Variants in BCHE observed in about 807,000 individuals in gnomAD.
BCHE encodes butyrylcholinesterase, also known as cholinesterase.
Under a neutral mutation model 51.3 loss-of-function variants are expected in BCHE, and 48 were observed. That is an observed-to-expected ratio of 0.94 (90% CI 0.74 to 1.19). BCHE has a LOEUF of 1.19. Ranked by LOEUF, BCHE falls within the 50% of genes most tolerant of loss-of-function variation. The pLI is 0.00. For synonymous variants in BCHE, 251 were observed against 238.0 expected, an observed-to-expected ratio of 1.05 and a Z score of -0.50; for missense variants, 847 against 708.2, an observed-to-expected ratio of 1.20 and a Z score of -2.23.
At chr3:165,773,622 TTTA>T (rs1712344924) in intron 3 of BCHE, 116 bp from the exon 4 acceptor site, 2 of 780,772 alleles carry the variant, frequency 2.6e-6, no homozygotes, top group South Asian at 2.1e-5. Flanking sequence ...CATTATTTTC[TTTA>T]TTTATTCTTT....
chr3:165,778,601 T>C, intron 3 of BCHE: 1 of 421,908 alleles, frequency 2.4e-6, no homozygotes, highest in South Asian at 1.6e-5. Flanking sequence ...TCAGTGCAGG[T>C]ATCTTCTCTT....
chr3:165,798,908 A>T (rs1713531692), intron 2 of BCHE, among the ~76,000 whole-genome samples: 1 of 152,140 alleles, frequency 6.6e-6, no homozygotes, highest in East Asian at 1.9e-4. Context: ...AAAAAACTAG[A>T]GTATATAGTT....
At chr3:165,805,919 T>C (rs931517427) in intron 2 of BCHE, among the ~76,000 whole-genome samples, 4 of 152,142 alleles carry the variant, frequency 2.6e-5, no homozygotes, top group African/African-American at 9.7e-5. Context: ...AGCTCATAGA[T>C]AATATTCTCT....
At position 165,831,020 on chromosome 3, in the gene BCHE, A is replaced by G. The variant is rs758046853; in HGVS notation, c.14T>C (p.Val5Ala). 13 of 1,612,150 alleles carry G rather than the reference A, an allele frequency of 8.1e-6. No homozygotes were observed. The highest frequency in any genetic ancestry group is 1.1e-5 in the South Asian group (1 of 91,036). ...GAGAAATCTGATGCATATGATTGTGACTTTGCTATGCATATTGATTTCTGA... is the reference window on the plus strand; with the variant it reads ...GAGAAATCTGATGCATATGATTGTGGCTTTGCTATGCATATTGATTTCTGA... Reference protein sequence around the residue: MHSKVTIICIRFLFW... With the variant: MHSKATIICIRFLFW... Residue 5 changes from valine (V) to alanine (A), a missense_variant, in exon 2 of 4, where the codon GTC (valine) becomes GCC (alanine). Val to Ala is a moderately conservative substitution (Grantham distance 64). Coordinates refer to ENST00000264381, the MANE Select transcript of BCHE (RefSeq NM_000055.4).
chr3:165,834,368 C>T (rs965143404), intron 1 of BCHE, among the ~76,000 whole-genome samples: 5 of 151,830 alleles, frequency 3.3e-5, no homozygotes, highest in Non-Finnish European at 7.4e-5. Context: ...TAATTGGTAA[C>T]AATCAAAGCA....
chr3:165,815,924 T>G (rs1714297468), intron 2 of BCHE, among the ~76,000 whole-genome samples: 2 of 152,050 alleles, frequency 1.3e-5, no homozygotes, highest in African/African-American at 4.8e-5. Context: ...TTTCTTGTCA[T>G]GCAATTAGAC....
chr3:165,834,199 A>G (rs1715102262), intron 1 of BCHE, among the ~76,000 whole-genome samples: 1 of 95,790 alleles, frequency 1.0e-5, no homozygotes, highest in African/African-American at 3.3e-5. Flanking sequence ...AATGGTTGTA[A>G]TATCTTCCCA....
chr3:165,830,809 C>T lies in BCHE; in HGVS notation c.225G>A (p.Gln75=). The T allele has an allele frequency of 1.9e-6, 3 of 1,613,864 alleles. No homozygotes were observed. Among genetic ancestry groups the T allele is most frequent in the Non-Finnish European group, 2.5e-6 (3 of 1,179,886 alleles). ...PLGRLRFKKP[Q]SLTKWSDIWN... Reference sequence around the variant, plus strand: ...AAATATCAGACCACTTGGTCAGAGACTGTGGCTTTTTGAATCGAAGTCTAC... The same window carrying T: ...AAATATCAGACCACTTGGTCAGAGATTGTGGCTTTTTGAATCGAAGTCTAC... The change falls in exon 2 of 4, where the codon CAG becomes CAA. Residue 75 remains glutamine, a synonymous_variant. Coordinates refer to ENST00000264381, the MANE Select transcript of BCHE (RefSeq NM_000055.4).
chr3:165,783,303 A>C, intron 3 of BCHE, among the ~76,000 whole-genome samples: 1 of 152,138 alleles, frequency 6.6e-6, no homozygotes, highest in East Asian at 1.9e-4. Flanking sequence ...ACTAGTATAA[A>C]CTTAGGCTAG....
intron 2 of BCHE, among the ~76,000 whole-genome samples, chr3:165,797,752 T>A (rs961037126): frequency 2.6e-5 from 4 of 152,146 alleles, no homozygotes; most frequent in Non-Finnish European, 5.9e-5. Context: ...ATAAAATTGA[T>A]GGCAGCAAGC....
At chr3:165,800,884 T>C (rs1713611354) in intron 2 of BCHE, among the ~76,000 whole-genome samples, 1 of 152,146 alleles carries the variant, frequency 6.6e-6, no homozygotes, top group Admixed American at 6.5e-5. Context: ...AGATTAATAA[T>C]AAATAAATTG....
chr3:165,814,203 T>G (rs1714213772), intron 2 of BCHE, among the ~76,000 whole-genome samples: 1 of 150,854 alleles, frequency 6.6e-6, no homozygotes, highest in Non-Finnish European at 1.5e-5. Context: ...TAGTTTAAGG[T>G]TTTACAAATA....
intron 2 of BCHE, among the ~76,000 whole-genome samples, chr3:165,795,579 C>T (rs1273883633): frequency 6.6e-6 from 1 of 152,140 alleles, no homozygotes; most frequent in African/African-American, 2.4e-5. Flanking sequence ...CATCTCCAGA[C>T]ATTTCTATTG....
rs555866446 is a variant in BCHE at position 165,785,454 on chromosome 3, T to C, written c.1684+691A>G. ...ACACATGTTTGATCACTCAAGTGGA[T>C]TGAAATATTTTCTTAATAATGAATA... On this transcript the variant is annotated intron_variant, in intron 3 of 3. Transcript: ENST00000264381. 7.9e-5 allele frequency among the ~76,000 whole-genome samples: 12 copies of C among 151,998 alleles called. No individual in the cohort carries two copies. The East Asian group carries it at 2.3e-3, about 29-fold the overall frequency.
Position 165,830,684 on chromosome 3 carries a change from C to T in BCHE, c.350G>A (p.Ser117Asn), listed in dbSNP as rs1397082724. ...SEMWNPNTDL[S>N]EDCLYLNVWI... ...TACATTTAGATATAAACAGTCTTCA[C>T]TGAGGTCAGTGTTTGGGTTCCACAT... The change falls in exon 2 of 4, where the codon AGT (serine) becomes AAT (asparagine). Residue 117 changes from serine to asparagine, a missense_variant. By Grantham distance (46) the Ser-to-Asn change is conservative. Transcript: ENST00000264381. The T allele has an allele frequency of 1.2e-6, 2 of 1,613,888 alleles. No individual in the cohort carries two copies. Among genetic ancestry groups the T allele is most frequent in the Non-Finnish European group, 8.5e-7 (1 of 1,179,972 alleles).
chr3:165,805,038 T>C, intron 2 of BCHE, among the ~76,000 whole-genome samples: 1 of 152,124 alleles, frequency 6.6e-6, no homozygotes, highest in East Asian at 1.9e-4. Context: ...TAAAACATAT[T>C]CAATGGATGA....
intron 2 of BCHE, 87 bp from the exon 3 acceptor site, chr3:165,786,398 G>C: frequency 7.9e-7 from 1 of 1,268,072 alleles, no homozygotes; most frequent in Non-Finnish European, 1.1e-6. Context: ...GTTCACAAGA[G>C]CTTTAAAGAA....
intron 3 of BCHE, among the ~76,000 whole-genome samples, chr3:165,774,891 A>G (rs1182941658): frequency 6.6e-6 from 1 of 152,198 alleles, no homozygotes. Context: ...GTTAAAAAAT[A>G]CAGATTGTGA....
At chr3:165,835,179 TA>T (rs1320706602) in intron 1 of BCHE, among the ~76,000 whole-genome samples, 1 of 109,182 alleles carries the variant, frequency 9.2e-6, no homozygotes, top group East Asian at 2.7e-4. Context: ...AACTTTCAAA[TA>T]AAAAAGGTGA....
Sources: allele counts gnomAD v4.1 joint callset (sites outside exome capture counted in the v4.1 genomes callset), GRCh38; gene constraint gnomAD v4.1.1; transcripts MANE v1.5; gene names NCBI Gene and HGNC (gene_info 2026-07-23, HGNC 2026-07-21).